Variants in DYM observed in about 807,000 individuals in gnomAD.
DYM encodes the protein dymeclin.
A neutral mutation model predicts 93.1 loss-of-function variants in DYM; 78 were observed. The observed-to-expected ratio is 0.84, with a 90% CI of 0.70 to 1.01. The LOEUF (loss-of-function observed/expected upper bound fraction) is 1.01, where lower values mean the gene tolerates loss of function less well. Among genes scored for constraint, DYM ranks in the 50% least tolerant of loss-of-function variants. DYM has a pLI of 0.00. For synonymous variants in DYM, 321 were observed against 319.7 expected, an observed-to-expected ratio of 1.00 and a Z score of -0.04; for missense variants, 789 against 845.0, an observed-to-expected ratio of 0.93 and a Z score of 0.82.
intron 8 of DYM, among the ~76,000 whole-genome samples, chr18:49,319,058 G>A (rs2062255675): frequency 6.6e-6 from 1 of 151,872 alleles, no homozygotes; most frequent in Non-Finnish European, 1.5e-5. Context: ...ACCCACCTCG[G>A]CCTCCCAAAG....
intron 5 of DYM, among the ~76,000 whole-genome samples, chr18:49,370,240 T>C (rs1344981027): frequency 1.4e-5 from 2 of 146,742 alleles, no homozygotes; most frequent in Non-Finnish European, 3.0e-5. Flanking sequence ...GTCGCACCAC[T>C]GCACTTCAGC....
intron 17 of DYM, among the ~76,000 whole-genome samples, chr18:49,045,068 C>T (rs752384391): frequency 4.5e-4 from 69 of 152,348 alleles, no homozygotes; most frequent in Non-Finnish European, 5.1e-4. Context: ...TAGAGTCTAC[C>T]CAAGGCCCCT....
At chr18:49,053,792 T>C (rs887232624) in intron 17 of DYM, among the ~76,000 whole-genome samples, 6 of 152,256 alleles carry the variant, frequency 3.9e-5, no homozygotes, top group African/African-American at 1.4e-4. Context: ...AGTTCATCAA[T>C]GATAAGTCCT....
At chr18:49,145,618 A>T (rs1024738846) in intron 15 of DYM, among the ~76,000 whole-genome samples, 1 of 152,156 alleles carries the variant, frequency 6.6e-6, no homozygotes, top group Non-Finnish European at 1.5e-5. Flanking sequence ...ACAGATACAA[A>T]TGAGTATCAA....
chr18:49,072,693 A>G (rs2076986679), intron 17 of DYM, among the ~76,000 whole-genome samples: 1 of 152,234 alleles, frequency 6.6e-6, no homozygotes, highest in Non-Finnish European at 1.5e-5. Context: ...GGAACGTTTG[A>G]GAGCTGAGAC....
chr18:49,200,883 C>T (rs7237062), intron 14 of DYM, among the ~76,000 whole-genome samples: 105,629 of 152,028 alleles, frequency 0.69, 38,551 homozygotes, highest in Non-Finnish European at 0.81. Context: ...ATCTACTCTC[C>T]TAGCAATTTT....
chr18:49,037,941 C>T lies in DYM; in HGVS notation c.*6114G>A, dbSNP rs913887127. 2.6e-4 allele frequency among the ~76,000 whole-genome samples: 40 copies of T among 152,166 alleles called. No homozygotes were observed. The highest frequency in any genetic ancestry group is 5.7e-4 in the Non-Finnish European group (39 of 68,020). ...CTGGGCACAAGTGATTCTCCTGCCT[C>T]AGCTTCCCAAGTAGCTGGGGCTATA... On this transcript the variant is annotated 3_prime_UTR_variant, in exon 18 of 18. Transcript: ENST00000675505.
chr18:49,216,955 C>T (rs937032078), intron 13 of DYM, among the ~76,000 whole-genome samples: 5 of 152,108 alleles, frequency 3.3e-5, no homozygotes, highest in African/African-American at 7.2e-5. Context: ...CAAAGTACTC[C>T]GAGCTACAGG....
intron 2 of DYM, among the ~76,000 whole-genome samples, chr18:49,392,127 T>G (rs2069329881): frequency 6.6e-6 from 1 of 152,044 alleles, no homozygotes; most frequent in South Asian, 2.1e-4. Flanking sequence ...ACATATATGT[T>G]TTGGTGGTTT....
At chr18:49,104,686 T>C (rs2080582223) in intron 16 of DYM, among the ~76,000 whole-genome samples, 1 of 152,230 alleles carries the variant, frequency 6.6e-6, no homozygotes, top group Non-Finnish European at 1.5e-5. Flanking sequence ...TTTTTGTCAT[T>C]GGTTCTGTTT....
rs959284632 is a variant in DYM, at chr18:49,064,029, A to G, written c.2026-19825T>C. 2.0e-5 allele frequency among the ~76,000 whole-genome samples: 3 copies of G among 152,224 alleles called. No homozygotes were observed. The South Asian group carries it at 6.2e-4, about 32-fold the overall frequency. On this transcript the variant is annotated intron_variant, in intron 17 of 17. Transcript: ENST00000675505. ...AAATCTGAATACAGTCATGTATGCA[A>G]AAACAATGAAAATAACTTTACTTTT...
chr18:49,064,589 AC>A lies in DYM; in HGVS notation c.2026-20386del, dbSNP rs529371673. Among the ~76,000 whole-genome samples, 180 of 152,274 alleles carry A rather than the reference AC, an allele frequency of 1.2e-3. 1 individual carries two copies. Among genetic ancestry groups the A allele is most frequent in the African/African-American group, 4.2e-3 (176 of 41,556 alleles). ...CTATTTGATTAAATTCTACTTGAAAACTAAAAATAACACAAAACTAGCTAGA... is the reference window on the plus strand; with the variant it reads ...CTATTTGATTAAATTCTACTTGAAAATAAAAATAACACAAAACTAGCTAGA... On this transcript the variant is annotated intron_variant, in intron 17 of 17. Coordinates refer to ENST00000675505, the MANE Select transcript of DYM (RefSeq NM_001353214.3).
At chr18:49,114,615 C>T in intron 16 of DYM, 1 of 981,524 alleles carries the variant, frequency 1.0e-6, no homozygotes, top group Middle Eastern at 5.2e-4. Flanking sequence ...TTCTGTGTGT[C>T]CTGATTAAAA....
At chr18:49,421,229 T>C (rs1244310575) in intron 2 of DYM, among the ~76,000 whole-genome samples, 3 of 152,172 alleles carry the variant, frequency 2.0e-5, no homozygotes, top group African/African-American at 7.2e-5. Context: ...CTGAGTAGCC[T>C]AACTGGGAGG....
At chr18:49,334,331 G>A (rs571088524) in intron 6 of DYM, among the ~76,000 whole-genome samples, 1 of 152,268 alleles carries the variant, frequency 6.6e-6, no homozygotes, top group South Asian at 2.1e-4. Context: ...TGTCTCTAGT[G>A]CCTACCTTTC....
chr18:49,445,507 A>G (rs2082022981), intron 1 of DYM, among the ~76,000 whole-genome samples: 1 of 152,212 alleles, frequency 6.6e-6, no homozygotes, highest in Non-Finnish European at 1.5e-5. Context: ...GGGAACTCCC[A>G]TAATAAAGAA....
chr18:49,366,379 C>A (rs570243920), intron 5 of DYM, among the ~76,000 whole-genome samples: 3 of 152,314 alleles, frequency 2.0e-5, no homozygotes, highest in South Asian at 4.1e-4. Context: ...ATTTGCAGGT[C>A]AATGACAAAA....
At chr18:49,185,146 G>A (rs183820969) in intron 14 of DYM, among the ~76,000 whole-genome samples, 75 of 152,296 alleles carry the variant, frequency 4.9e-4, no homozygotes, top group Non-Finnish European at 6.0e-4. Context: ...GTAATCTCAT[G>A]AATTTCTATA....
intron 1 of DYM, among the ~76,000 whole-genome samples, chr18:49,442,262 A>G (rs1421912752): frequency 1.3e-5 from 2 of 152,154 alleles, no homozygotes; most frequent in African/African-American, 4.8e-5. Context: ...AAACCAAAGC[A>G]GCCCGGGCAT....
Sources: gnomAD v4.1 joint callset for allele counts (sites outside exome capture counted in the v4.1 genomes callset) on GRCh38, gnomAD v4.1.1 for gene constraint, MANE v1.5 for transcripts, NCBI Gene and HGNC (gene_info 2026-07-23, HGNC 2026-07-21) for gene names.